ELP1: variants seen among roughly 807,000 people sequenced by gnomAD.
The protein encoded by ELP1 is elongator acetyltransferase complex subunit 1, also known as elongator complex protein 1.
ELP1 carries 131 observed loss-of-function variants against 183.2 expected under a neutral mutation model. The observed-to-expected ratio is 0.72, with a 90% CI of 0.62 to 0.83. The LOEUF (loss-of-function observed/expected upper bound fraction) is 0.83. Among genes scored for constraint, ELP1 ranks in the 40% least tolerant of loss-of-function variants. The pLI, the probability that ELP1 is intolerant of heterozygous loss-of-function variation, is 0.00. For synonymous variants in ELP1, 555 were observed against 569.0 expected (o/e 0.98, Z 0.35); for missense variants, 1,550 against 1,594.9 (o/e 0.97, Z 0.48).
rs760659024 is a variant in ELP1 at position 108,879,509 on chromosome 9, C to T, written c.3509G>A (p.Ser1170Asn). ...GQESDLFSET[S>N]SVVSGSEMSG... The stretch of plus-strand genomic sequence containing the variant: ...CATCTCACTGCCACTCACGACACTG[C>T]TAGTTTCAGAGAAGAGGTCTGACTC... Residue 1170 changes from serine (S) to asparagine (N), a missense_variant, in exon 33 of 37, where the codon AGC (serine) becomes AAC (asparagine). Ser to Asn is a conservative substitution (Grantham distance 46). Transcript: ENST00000374647. The T allele has an allele frequency of 1.9e-6, 3 of 1,614,010 alleles. No homozygotes were observed. Among genetic ancestry groups the T allele is most frequent in the Admixed American group, 3.3e-5 (2 of 60,012 alleles).
intron 19 of ELP1, 88 bp from the exon 20 acceptor site, chr9:108,899,983 A>C: frequency 9.7e-7 from 1 of 1,029,310 alleles, no homozygotes; most frequent in Admixed American, 1.8e-5. Flanking sequence ...CTCTTCACAG[A>C]GAATTACCAC....
rs766433871 is a variant in ELP1 at position 108,929,766 on chromosome 9, T to C, written c.303+3A>G. 1.2e-6 allele frequency: 2 copies of C among 1,613,952 alleles called. No individual in the cohort carries two copies. Among genetic ancestry groups the C allele is most frequent in the African/African-American group, 2.7e-5 (2 of 74,918 alleles). On this transcript the variant is annotated splice_donor_region_variant and intron_variant, in intron 3 of 36. Coordinates refer to ENST00000374647, the MANE Select transcript of ELP1 (RefSeq NM_003640.5). ...TCCCCCCTCACTGGAGTCTTCCACT[T>C]ACCTGTTGTGTGCTGAGACTGCAGA... is the stretch of plus-strand genomic sequence containing the variant.
rs369634549 is a variant in ELP1 at position 108,917,687 on chromosome 9, A to T, written c.741-17T>A. 3.7e-6 allele frequency: 6 copies of T among 1,606,024 alleles called. No individual in the cohort carries two copies. The highest frequency in any genetic ancestry group is 5.1e-6 in the Non-Finnish European group (6 of 1,172,706). ...CCTGAGGGTCTTAAAGCAAACTCAG[A>T]GTGTTACAATATCGAAAGCTCACCT... On this transcript the variant is annotated splice_polypyrimidine_tract_variant and intron_variant, in intron 8 of 36. Coordinates refer to ENST00000374647, the MANE Select transcript of ELP1 (RefSeq NM_003640.5).
intron 34 of ELP1, 65 bp from the exon 35 acceptor site, chr9:108,878,214 T>A: frequency 6.9e-7 from 1 of 1,456,914 alleles, no homozygotes; most frequent in Non-Finnish European, 9.6e-7. Context: ...GAATCATACA[T>A]AGCTTCTATC....
At chr9:108,916,631 T>C (rs563499257) in intron 9 of ELP1, among the ~76,000 whole-genome samples, 18 of 152,182 alleles carry the variant, frequency 1.2e-4, no homozygotes, top group Non-Finnish European at 2.4e-4. Flanking sequence ...AATAGAATTA[T>C]GGTTATGTAA....
Position 108,931,025 on chromosome 9 carries a change from A to G in ELP1, c.122T>C (p.Leu41Pro). ...GTVLIGSEHGLIEVDPVSREV... is the reference protein window; with the variant it reads ...GTVLIGSEHGPIEVDPVSREV... ...TCTTGAGACAGGGTCTACTTCTATC[A>G]GGCCATGTTCTGAACCAATGAGCAC... Residue 41 changes from leucine (L) to proline (P), a missense_variant, in exon 2 of 37, where the codon CTG becomes CCG. Physicochemically the swap from Leu to Pro is moderately conservative, Grantham distance 98 (BLOSUM62 -3). Transcript: ENST00000374647. 1.9e-6 allele frequency: 3 copies of G among 1,614,174 alleles called. No homozygotes were observed. The highest frequency in any genetic ancestry group is 2.5e-6 in the Non-Finnish European group (3 of 1,180,028).
rs1445971812 is a variant in ELP1 at position 108,867,721 on chromosome 9, A to C, written c.*1394T>G. 1 of 152,240 alleles carries C rather than the reference A, an allele frequency of 6.6e-6. No individual in the cohort carries two copies. The highest frequency in any genetic ancestry group is 1.5e-5 in the Non-Finnish European group (1 of 68,048). 9.4% of individuals were successfully genotyped at this position (152,240 alleles called of 1,614,324 possible). A position where few individuals can be genotyped will look rare whatever the true frequency, so the allele number is the denominator to read the frequency against. ...GTAAGTCAAAAAGTAGATTTCTCCA[A>C]AGCAAAGTATATCTTCTTTCTCTTC... On this transcript the variant is annotated 3_prime_UTR_variant, in exon 37 of 37. Transcript: ENST00000374647.
intron 3 of ELP1, 78 bp downstream of exon 3, chr9:108,929,691 T>A: frequency 6.9e-7 from 1 of 1,456,712 alleles, no homozygotes; most frequent in Non-Finnish European, 9.6e-7. Flanking sequence ...TGGCTACTGA[T>A]TTGAAAACTT....
At chr9:108,930,062 T>C (rs1829949440) in intron 2 of ELP1, 141 bp from the exon 3 acceptor site, 1 of 971,572 alleles carries the variant, frequency 1.0e-6, no homozygotes, top group Non-Finnish European at 1.5e-6. Flanking sequence ...AATCCAAACT[T>C]TCATTTGAGA....
chr9:108,871,536 A>G (rs954007040), intron 36 of ELP1, among the ~76,000 whole-genome samples: 2 of 152,196 alleles, frequency 1.3e-5, no homozygotes, highest in Non-Finnish European at 2.9e-5. Flanking sequence ...TTTCCCTTCC[A>G]GGCTCGGGGG....
In ELP1 at chr9:108,930,852, T is replaced by C. The variant is rs838818; in HGVS notation, c.150+145A>G. 281,851 of 775,328 alleles carry C rather than the reference T, an allele frequency of 0.36. 52,464 individuals are homozygous for C. Among genetic ancestry groups the C allele is most frequent in the African/African-American group, 0.49 (28,475 of 58,014 alleles). The allele number at this position is 775,328 out of a possible 1,614,324, so 48.0% of individuals were successfully genotyped here. A position where few individuals can be genotyped will look rare whatever the true frequency, so the allele number is the denominator to read the frequency against. The stretch of plus-strand genomic sequence containing the variant: ...ATTACGATTTAAGCTATGTCTAACA[T>C]GGCATATATATGAAGCAAAAGATGT... On this transcript the variant is annotated intron_variant, in intron 2 of 36. Transcript: ENST00000374647.
Position 108,898,662 on chromosome 9 carries a change from G to C in ELP1, c.2283+9C>G. On this transcript the variant is annotated intron_variant, in intron 21 of 36. Transcript: ENST00000374647. Reference sequence around the variant, plus strand: ...GTAAGCTAGAGTAAATGACAGCTTAGAAAGTTACCTTAGGGTTATGATCAT... The same window carrying C: ...GTAAGCTAGAGTAAATGACAGCTTACAAAGTTACCTTAGGGTTATGATCAT... 1 of 1,609,276 alleles carries C rather than the reference G, an allele frequency of 6.2e-7. No individual in the cohort carries two copies. The highest frequency in any genetic ancestry group is 8.5e-7 in the Non-Finnish European group (1 of 1,175,886).
chr9:108,902,997 C>T lies in ELP1; in HGVS notation c.1751-55G>A, dbSNP rs557397868. The T allele has an allele frequency of 6.4e-5, 82 of 1,279,704 alleles. No individual in the cohort carries two copies. In the Middle Eastern group the frequency reaches 1.1e-3, roughly 17 times the overall value. 79.3% of individuals were successfully genotyped at this position (1,279,704 alleles called of 1,614,324 possible). Reference sequence around the variant, plus strand: ...TAGCTGATGCGCTCTTTGCAAAAAACCATCAACATCAACATTTGCTAAAAC... The same window carrying T: ...TAGCTGATGCGCTCTTTGCAAAAAATCATCAACATCAACATTTGCTAAAAC... On this transcript the variant is annotated intron_variant, in intron 15 of 36. Transcript: ENST00000374647.
rs982382014 is a variant in ELP1 at position 108,873,235 on chromosome 9, T to C, written c.3931+1660A>G. Among the ~76,000 whole-genome samples, 6 of 152,234 alleles carry C rather than the reference T, an allele frequency of 3.9e-5. No homozygotes were observed. The East Asian group carries it at 1.2e-3, about 29-fold the overall frequency. ...TACTAAATTTTTGCAAGACTTGCAA[T>C]TGATCTGCATGATATTGTATTGCAT... On this transcript the variant is annotated intron_variant, in intron 36 of 36. Coordinates refer to ENST00000374647, the MANE Select transcript of ELP1 (RefSeq NM_003640.5).
At chr9:108,912,595 C>A in intron 10 of ELP1, 101 bp from the exon 11 acceptor site, 1 of 802,470 alleles carries the variant, frequency 1.2e-6, no homozygotes, top group Non-Finnish European at 2.2e-6. Context: ...TTCAAAGGAC[C>A]CTTCCTGCTC....
At chr9:108,906,960 C>G (rs767141946) in intron 13 of ELP1, among the ~76,000 whole-genome samples, 1 of 152,162 alleles carries the variant, frequency 6.6e-6, no homozygotes, top group Non-Finnish European at 1.5e-5. Context: ...ATACACCTGA[C>G]CAGCGCACTG....
intron 1 of ELP1, among the ~76,000 whole-genome samples, 156 bp from the exon 2 acceptor site, chr9:108,931,357 C>T (rs139870919): frequency 3.9e-5 from 6 of 152,284 alleles, no homozygotes; most frequent in Admixed American, 3.9e-4. Context: ...ATTATAGCAG[C>T]AACCTGACCC....
At chr9:108,899,086 C>T (rs1325694770) in intron 20 of ELP1, among the ~76,000 whole-genome samples, 1 of 151,794 alleles carries the variant, frequency 6.6e-6, no homozygotes, top group African/African-American at 2.4e-5. Flanking sequence ...CACTTGAGGT[C>T]AGGAGTTTGA....
intron 29 of ELP1, 139 bp downstream of exon 29, chr9:108,889,193 A>G: frequency 1.2e-6 from 1 of 834,576 alleles, no homozygotes. Context: ...CAAGCCAGCA[A>G]GATAAGACCT....
Sources: gnomAD v4.1 joint callset for allele counts (sites outside exome capture counted in the v4.1 genomes callset) on GRCh38, gnomAD v4.1.1 for gene constraint, MANE v1.5 for transcripts, NCBI Gene and HGNC (gene_info 2026-07-23, HGNC 2026-07-21) for gene names.